LONRF3: variants seen among roughly 807,000 people sequenced by gnomAD.
LONRF3 encodes the protein LON peptidase N-terminal domain and ring finger 3, also known as LON peptidase N-terminal domain and RING finger protein 3.
LONRF3 carries 19 observed loss-of-function variants against 51.7 expected under a neutral mutation model. The ratio of observed to expected loss-of-function variants is 0.37; its 90% CI spans 0.26 to 0.54. The LOEUF (loss-of-function observed/expected upper bound fraction) is 0.54. Ranked by LOEUF, LONRF3 falls within the 20% of genes least tolerant of loss-of-function variation. The pLI is 0.86. For missense variants in LONRF3, 521 were observed against 623.9 expected (o/e 0.84, Z 1.76); for synonymous variants, 265 against 257.8 (o/e 1.03, Z -0.27).
intron 3 of LONRF3, 72 bp from the exon 4 acceptor site, chrX:118,989,336 C>T: frequency 2.7e-6 from 3 of 1,127,507 alleles, no homozygotes; most frequent in Non-Finnish European, 3.6e-6. Flanking sequence ...CCCTTTGTTC[C>T]TCTGGGTAGG....
intron 5 of LONRF3, among the ~76,000 whole-genome samples, chrX:118,997,949 C>T (rs1322470909): frequency 1.8e-5 from 2 of 112,169 alleles, no homozygotes; most frequent in African/African-American, 6.5e-5. Flanking sequence ...TAAGAATGGC[C>T]ATAATAAAAA....
chrX:119,006,165 G>T lies in LONRF3; in HGVS notation c.1460G>T (p.Cys487Phe). 1 of 1,197,747 alleles carries T rather than the reference G, an allele frequency of 8.3e-7. No individual in the cohort carries two copies. The highest frequency in any genetic ancestry group is 1.1e-6 in the Non-Finnish European group (1 of 885,794). Residue 487 changes from cysteine to phenylalanine, a missense_variant, in exon 6 of 11, where the codon TGC becomes TTC. Cys to Phe is a radical substitution (Grantham distance 205, BLOSUM62 -2). Around this residue, in one of 2 missense-constraint regions of LONRF3, gnomAD observed 145 missense variants for 247.2 expected, o/e 0.59. Transcript: ENST00000371628. Reference protein sequence around the residue: ...PVTTPCGHTFCLKCLERCLDH... With the variant: ...PVTTPCGHTFFLKCLERCLDH... ...ACAACACCTTGCGGGCATACTTTTT[G>T]CTTAAAATGCCTAGAAAGATGCCTA...
At chrX:118,985,217 C>G (rs1249925396) in intron 3 of LONRF3, among the ~76,000 whole-genome samples, 1 of 112,209 alleles carries the variant, frequency 8.9e-6, no homozygotes, top group Non-Finnish European at 1.9e-5. Context: ...TCTGCCCTTT[C>G]ATCCTTGCAC....
chrX:118,979,455 G>A (rs759775463), intron 2 of LONRF3, among the ~76,000 whole-genome samples: 16 of 110,915 alleles, frequency 1.4e-4, no homozygotes, highest in South Asian at 3.8e-4. Context: ...CACCATGCCC[G>A]GCTAATTTTT....
At chrX:118,997,259 C>T (rs182075046) in intron 5 of LONRF3, among the ~76,000 whole-genome samples, 145 of 111,813 alleles carry the variant, frequency 1.3e-3, no homozygotes, top group Non-Finnish European at 1.5e-3. Flanking sequence ...GCATGGTACT[C>T]GTATAAAAAT....
intron 10 of LONRF3, among the ~76,000 whole-genome samples, chrX:119,016,845 G>A (rs1454375781): frequency 2.7e-5 from 3 of 111,530 alleles, no homozygotes; most frequent in African/African-American, 9.8e-5. Context: ...GACATGCAAA[G>A]GTCAAGGGGT....
In LONRF3 at chrX:118,995,686, A is replaced by G. The variant is rs1050923050; in HGVS notation, c.1415+5126A>G. Among the ~76,000 whole-genome samples the G allele has an allele frequency of 1.3e-4, 15 of 112,342 alleles. 1 individual carries two copies. In the South Asian group the frequency reaches 5.2e-3, roughly 39 times the overall value. ...ACAACTGACACCACTGAAATACAAA[A>G]GATTAGTCAAGGCTACTATGAACAC... On this transcript the variant is annotated intron_variant, in intron 5 of 10. Transcript: ENST00000371628.
chrX:118,989,271 A>C (rs1923234224), intron 3 of LONRF3, 137 bp from the exon 4 acceptor site: 2 of 693,058 alleles, frequency 2.9e-6, no homozygotes, highest in Non-Finnish European at 4.3e-6. Flanking sequence ...ACGGCCCCCA[A>C]GTTGAGCTCT....
intron 3 of LONRF3, among the ~76,000 whole-genome samples, chrX:118,987,280 A>G (rs1373643904): frequency 9.2e-6 from 1 of 108,965 alleles, no homozygotes; most frequent in South Asian, 4.0e-4. Context: ...TATTCATTAC[A>G]TTGAAAAAAA....
chrX:119,002,801 AT>A (rs760245129), intron 5 of LONRF3, among the ~76,000 whole-genome samples: 76 of 105,720 alleles, frequency 7.2e-4, no homozygotes, highest in African/African-American at 2.3e-3. Flanking sequence ...TTGTTTTTTT[AT>A]TTTTTTTTTA....
intron 7 of LONRF3, among the ~76,000 whole-genome samples, chrX:119,011,318 C>A (rs1925095680): frequency 9.1e-6 from 1 of 110,311 alleles, no homozygotes; most frequent in Non-Finnish European, 1.9e-5. Context: ...GCCTCCTTTG[C>A]AGACTCTTTG....
intron 5 of LONRF3, among the ~76,000 whole-genome samples, chrX:118,996,028 G>A (rs1266707686): frequency 1.8e-5 from 2 of 111,790 alleles, no homozygotes; most frequent in Non-Finnish European, 3.8e-5. Context: ...AACCAGGAAA[G>A]GACAACCAAA....
chrX:118,978,548 C>A, intron 2 of LONRF3, 85 bp downstream of exon 2: 1 of 566,846 alleles, frequency 1.8e-6, no homozygotes, highest in African/African-American at 2.3e-5. Context: ...AGCATAGGGG[C>A]ACTAGAGCTC....
intron 10 of LONRF3, among the ~76,000 whole-genome samples, chrX:119,015,755 T>C (rs1925405889): frequency 8.9e-6 from 1 of 112,319 alleles, no homozygotes; most frequent in South Asian, 3.7e-4. Context: ...CACTTCCTTT[T>C]TTCTTAGTTC....
At chrX:119,014,165 G>C (rs375629486) in intron 9 of LONRF3, 42 bp from the exon 10 acceptor site, 2 of 1,168,379 alleles carry the variant, frequency 1.7e-6, no homozygotes. Context: ...GGGAATGATG[G>C]AGAGGGTACA....
intron 3 of LONRF3, among the ~76,000 whole-genome samples, chrX:118,988,369 C>G (rs1016908603): frequency 1.1e-4 from 12 of 111,965 alleles, no homozygotes; most frequent in African/African-American, 3.9e-4. Flanking sequence ...AGCTGGGGAA[C>G]AAGGATTGGA....
At chrX:118,983,044 G>T in intron 3 of LONRF3, 101 bp downstream of exon 3, 1 of 948,291 alleles carries the variant, frequency 1.1e-6, no homozygotes, top group Non-Finnish European at 1.5e-6. Context: ...GGCATTTGGG[G>T]TCCTGAGTGG....
intron 3 of LONRF3, chrX:118,987,206 T>C (rs781745798): frequency 2.0e-6 from 1 of 502,499 alleles, no homozygotes; most frequent in Non-Finnish European, 3.2e-6. Context: ...TCACTAGTGG[T>C]TCTGTTCTTT....
intron 5 of LONRF3, among the ~76,000 whole-genome samples, chrX:119,004,088 A>C (rs1033609337): frequency 9.1e-6 from 1 of 110,178 alleles, no homozygotes; most frequent in Admixed American, 9.6e-5. Context: ...ATTTGTGAAT[A>C]ATGACAGATT....
Sources: gnomAD v4.1 joint callset for allele counts (sites outside exome capture counted in the v4.1 genomes callset) on GRCh38, gnomAD v4.1.1 for gene constraint, gnomAD v4.1.1 regional missense constraint, MANE v1.5 for transcripts, NCBI Gene and HGNC (gene_info 2026-07-23, HGNC 2026-07-21) for gene names.